RNF216: variants seen among roughly 807,000 people sequenced by gnomAD.
RNF216 encodes E3 ubiquitin-protein ligase RNF216.
A neutral mutation model predicts 110.8 loss-of-function variants in RNF216; 72 were observed. The ratio of observed to expected loss-of-function variants is 0.65; its 90% CI spans 0.54 to 0.79. The LOEUF is 0.79. Among genes scored for constraint, RNF216 ranks in the 30% least tolerant of loss-of-function variants. RNF216 has a pLI of 0.00. For missense variants in RNF216, 1,342 were observed against 1,141.2 expected (o/e 1.18, Z -2.54); for synonymous variants, 495 against 407.5 (o/e 1.21, Z -2.59).
intron 5 of RNF216, among the ~76,000 whole-genome samples, chr7:5,737,615 A>C (rs1212256011): frequency 6.6e-6 from 1 of 152,076 alleles, no homozygotes; most frequent in Non-Finnish European, 1.5e-5. Flanking sequence ...CAAGGCCACT[A>C]ATGGCTCCAA....
chr7:5,730,576 A>C, intron 6 of RNF216, 139 bp downstream of exon 6: 1 of 1,107,942 alleles, frequency 9.0e-7, no homozygotes, highest in South Asian at 1.6e-5. Flanking sequence ...ATATATTCTG[A>C]AATCCTATGT....
rs1786448485 is a variant in RNF216 at position 5,622,724 on chromosome 7, G to C, written c.*136C>G. 2 of 815,890 alleles carry C rather than the reference G, an allele frequency of 2.5e-6. No homozygotes were observed. Among genetic ancestry groups the C allele is most frequent in the Non-Finnish European group, 3.9e-6 (2 of 517,692 alleles). 50.5% of individuals were successfully genotyped at this position (815,890 alleles called of 1,614,324 possible). A position where few individuals can be genotyped will look rare whatever the true frequency, so the allele number is the denominator to read the frequency against. ...AGGAGCAGTAGCCCTTCTAGGAAAG[G>C]GGTGGGAAGAAAACCAGCCTACCCT... is the stretch of plus-strand genomic sequence containing the variant. On this transcript the variant is annotated 3_prime_UTR_variant, in exon 17 of 17. Transcript: ENST00000389902.
At chr7:5,729,323 T>C in intron 7 of RNF216, 109 bp downstream of exon 7, 1 of 1,037,354 alleles carries the variant, frequency 9.6e-7, no homozygotes, top group Non-Finnish European at 1.5e-6. Flanking sequence ...AATAAATTCC[T>C]TAGCAATCAT....
rs547651826 is a variant in RNF216 at position 5,621,686 on chromosome 7, G to C, written c.*1174C>G. On this transcript the variant is annotated 3_prime_UTR_variant, in exon 17 of 17. Coordinates refer to ENST00000389902, the MANE Select transcript of RNF216 (RefSeq NM_207111.4). Reference sequence around the variant, plus strand: ...CCCCATGGCAACACGACAAGGACAAGGCAGGGCATGAGGAGGAGGAGAAAG... The same window carrying C: ...CCCCATGGCAACACGACAAGGACAACGCAGGGCATGAGGAGGAGGAGAAAG... The C allele has an allele frequency of 6.5e-6, 1 of 152,742 alleles. No individual in the cohort carries two copies. Among genetic ancestry groups the C allele is most frequent in the Non-Finnish European group, 1.5e-5 (1 of 68,466 alleles). The allele number at this position is 152,742 out of a possible 1,614,324, so 9.5% of individuals were successfully genotyped here. A position where few individuals can be genotyped will look rare whatever the true frequency, so the allele number is the denominator to read the frequency against.
intron 5 of RNF216, among the ~76,000 whole-genome samples, chr7:5,737,725 C>G (rs569242289): frequency 6.6e-6 from 1 of 152,152 alleles, no homozygotes; most frequent in South Asian, 2.1e-4. Context: ...AACTCACCTG[C>G]AACCTTGACT....
At chr7:5,660,523 C>G (rs1367308884) in intron 13 of RNF216, among the ~76,000 whole-genome samples, 1 of 151,816 alleles carries the variant, frequency 6.6e-6, no homozygotes, top group Non-Finnish European at 1.5e-5. Context: ...ATCTCTTGAC[C>G]TGGTGATCCA....
intron 1 of RNF216, among the ~76,000 whole-genome samples, chr7:5,778,710 CTAGA>C: frequency 6.6e-6 from 1 of 152,160 alleles, no homozygotes; most frequent in South Asian, 2.1e-4. Flanking sequence ...AGTTTTGGGA[CTAGA>C]TATTTTTCAG....
intron 13 of RNF216, among the ~76,000 whole-genome samples, chr7:5,672,057 T>C (rs1789955520): frequency 1.3e-5 from 2 of 152,242 alleles, no homozygotes; most frequent in Non-Finnish European, 2.9e-5. Flanking sequence ...TGGCCATTGA[T>C]GACTATCAAG....
intron 14 of RNF216, among the ~76,000 whole-genome samples, chr7:5,645,165 CTA>C (rs1312022741): frequency 1.3e-5 from 2 of 152,038 alleles, no homozygotes; most frequent in Admixed American, 6.6e-5. Context: ...TCAAGATTTT[CTA>C]TGTCTTTGGT....
In RNF216 at chr7:5,682,412, C is replaced by CT. The variant is rs775691792; in HGVS notation, c.2061+29348dup. Among the ~76,000 whole-genome samples, 1,151 of 140,554 alleles carry CT rather than the reference C, an allele frequency of 8.2e-3. 9 individuals are homozygous for CT. Among genetic ancestry groups the CT allele is most frequent in the Non-Finnish European group, 9.3e-3 (595 of 64,134 alleles). The allele number at this position is 140,554 out of a possible 152,430, so 92.2% of individuals were successfully genotyped here. A position where few individuals can be genotyped will look rare whatever the true frequency, so the allele number is the denominator to read the frequency against. On this transcript the variant is annotated intron_variant, in intron 13 of 16. Coordinates refer to ENST00000389902, the MANE Select transcript of RNF216 (RefSeq NM_207111.4). ...TGACAGTTTTACTTTCATTTTTTTTCTTTTTTTTTTTTTTTGAGACAGTCT... is the reference window on the plus strand; with the variant it reads ...TGACAGTTTTACTTTCATTTTTTTTCTTTTTTTTTTTTTTTTGAGACAGTCT...
At chr7:5,632,886 A>C (rs1787160923) in intron 15 of RNF216, among the ~76,000 whole-genome samples, 1 of 152,236 alleles carries the variant, frequency 6.6e-6, no homozygotes, top group African/African-American at 2.4e-5. Context: ...GAATGGCACC[A>C]CAGTGGGCAG....
At chr7:5,752,442 G>A (rs1405277751) in intron 3 of RNF216, among the ~76,000 whole-genome samples, 1 of 152,056 alleles carries the variant, frequency 6.6e-6, no homozygotes, top group Non-Finnish European at 1.5e-5. Flanking sequence ...TACGCAAACT[G>A]ATTATATATA....
At chr7:5,701,054 A>G (rs1219633200) in intron 13 of RNF216, among the ~76,000 whole-genome samples, 1 of 152,148 alleles carries the variant, frequency 6.6e-6, no homozygotes, top group Non-Finnish European at 1.5e-5. Flanking sequence ...TGAGAGAAGG[A>G]GCACAGCAGT....
At chr7:5,708,660 T>C (rs1274580647) in intron 13 of RNF216, among the ~76,000 whole-genome samples, 6 of 152,240 alleles carry the variant, frequency 3.9e-5, no homozygotes, top group Non-Finnish European at 1.5e-5. Flanking sequence ...GTTTTCCTTT[T>C]TTCAGGAGCT....
intron 5 of RNF216, among the ~76,000 whole-genome samples, chr7:5,736,040 CTGAGA>C (rs1794376975): frequency 6.6e-6 from 1 of 152,192 alleles, no homozygotes; most frequent in African/African-American, 2.4e-5. Flanking sequence ...CTGCAGTGAG[CTGAGA>C]TCACACCACT....
intron 13 of RNF216, among the ~76,000 whole-genome samples, chr7:5,700,397 G>GT (rs1423476395): frequency 2.6e-5 from 4 of 152,188 alleles, no homozygotes; most frequent in African/African-American, 9.7e-5. Flanking sequence ...TATTTTGTAG[G>GT]TATCAATTCT....
chr7:5,715,229 C>A (rs768979510), intron 10 of RNF216, 39 bp from the exon 11 acceptor site: 13 of 1,590,746 alleles, frequency 8.2e-6, no homozygotes, highest in African/African-American at 1.3e-5. Flanking sequence ...ATGTCCTGCA[C>A]TTAAGGAGAG....
At chr7:5,702,426 G>A (rs138564428) in intron 13 of RNF216, among the ~76,000 whole-genome samples, 40 of 152,264 alleles carry the variant, frequency 2.6e-4, no homozygotes, top group Admixed American at 1.1e-3. Context: ...GTTATAATGC[G>A]TATGTATTTT....
At chr7:5,726,353 C>G (rs557896612) in intron 7 of RNF216, among the ~76,000 whole-genome samples, 1 of 152,274 alleles carries the variant, frequency 6.6e-6, no homozygotes, top group East Asian at 1.9e-4. Flanking sequence ...GAGTCCCATT[C>G]TGTAGGCAAA....
Sources: gnomAD v4.1 joint callset for allele counts (sites outside exome capture counted in the v4.1 genomes callset) on GRCh38, gnomAD v4.1.1 for gene constraint, MANE v1.5 for transcripts, NCBI Gene and HGNC (gene_info 2026-07-23, HGNC 2026-07-21) for gene names.